NPSR1: variants seen among roughly 807,000 people sequenced by gnomAD.
The protein encoded by NPSR1 is neuropeptide S receptor.
In NPSR1, 48 loss-of-function variants were observed where a neutral mutation model predicts 46.9. The observed-to-expected ratio is 1.02, with a 90% CI of 0.81 to 1.30. The LOEUF (loss-of-function observed/expected upper bound fraction) is 1.30. NPSR1 is among the 50% of genes most tolerant of loss of function. NPSR1 has a pLI of 0.00. For missense variants in NPSR1, 450 were observed against 449.5 expected (o/e 1.00, Z -0.01); for synonymous variants, 176 against 168.1 (o/e 1.05, Z -0.36).
chr7:34,673,768 C>T (rs543597043), intron 1 of NPSR1, among the ~76,000 whole-genome samples: 1 of 152,308 alleles, frequency 6.6e-6, no homozygotes, highest in East Asian at 1.9e-4. Flanking sequence ...CTAACAACCA[C>T]ATTTATATGT....
chr7:34,702,151 G>A (rs1270058287), intron 2 of NPSR1, among the ~76,000 whole-genome samples: 1 of 152,126 alleles, frequency 6.6e-6, no homozygotes, highest in East Asian at 1.9e-4. Context: ...GATGGCGGTT[G>A]GTTCAAGATG....
chr7:34,775,499 A>G (rs1003658275), intron 2 of NPSR1, among the ~76,000 whole-genome samples: 2 of 152,100 alleles, frequency 1.3e-5, no homozygotes, highest in African/African-American at 4.8e-5. Context: ...ACATTTTATT[A>G]TAAGTTCTTG....
At chr7:34,676,155 T>C (rs2609215) in intron 1 of NPSR1, among the ~76,000 whole-genome samples, 17,858 of 152,170 alleles carry the variant, frequency 0.12, 1,212 homozygotes, top group African/African-American at 0.18. Flanking sequence ...CCCTCAAATG[T>C]ACATATGTAG....
At chr7:34,852,302 GGAAAGAGA>G (rs370566581), downstream of NPSR1, among the ~76,000 whole-genome samples, 362 of 151,418 alleles carry the variant, frequency 2.4e-3, 2 homozygotes, top group Middle Eastern at 0.014. Flanking sequence ...TCCGTCTCAA[GGAAAGAGA>G]GAAAGAGAGA....
chr7:34,695,260 C>T (rs1260686149), intron 2 of NPSR1, among the ~76,000 whole-genome samples: 2 of 151,990 alleles, frequency 1.3e-5, no homozygotes, highest in East Asian at 3.9e-4. Flanking sequence ...AATTGGCTAG[C>T]CATATGCAGA....
At chr7:34,660,894 C>T (rs1030440375) in intron 1 of NPSR1, among the ~76,000 whole-genome samples, 2 of 152,122 alleles carry the variant, frequency 1.3e-5, no homozygotes, top group Non-Finnish European at 2.9e-5. Context: ...ATTAGTGTCA[C>T]GGACTGTACC....
intron 4 of NPSR1, among the ~76,000 whole-genome samples, chr7:34,819,941 G>A (rs1789471711): frequency 6.6e-6 from 1 of 152,174 alleles, no homozygotes; most frequent in Admixed American, 6.5e-5. Flanking sequence ...GGCTGGGGGA[G>A]GGATAGCGTT....
intron 2 of NPSR1, among the ~76,000 whole-genome samples, chr7:34,724,414 C>T (rs1374547202): frequency 6.6e-6 from 1 of 152,214 alleles, no homozygotes; most frequent in Non-Finnish European, 1.5e-5. Context: ...TCTCTCCTCC[C>T]AGGATCGGAA....
intron 2 of NPSR1, among the ~76,000 whole-genome samples, chr7:34,694,238 A>T (rs1415498473): frequency 2.0e-5 from 3 of 152,158 alleles, no homozygotes; most frequent in Admixed American, 2.0e-4. Context: ...TAATGACATG[A>T]CTGTATACTT....
At chr7:34,792,571 ATG>A (rs1323576369) in intron 3 of NPSR1, among the ~76,000 whole-genome samples, 5 of 72,648 alleles carry the variant, frequency 6.9e-5, no homozygotes, top group Admixed American at 1.2e-4. Flanking sequence ...ATATATATAT[ATG>A]TGTGTGTGTA....
At chr7:34,798,518 G>C (rs1788301904) in intron 3 of NPSR1, among the ~76,000 whole-genome samples, 1 of 152,170 alleles carries the variant, frequency 6.6e-6, no homozygotes, top group African/African-American at 2.4e-5. Flanking sequence ...CTGGGTGACA[G>C]AGTGAGACTC....
At chr7:34,798,732 C>T (rs1788315185) in intron 3 of NPSR1, among the ~76,000 whole-genome samples, 1 of 152,002 alleles carries the variant, frequency 6.6e-6, no homozygotes, top group African/African-American at 2.4e-5. Context: ...GACCATAAAA[C>T]ACATTTTAAC....
chr7:34,691,603 A>T (rs542845738), intron 2 of NPSR1, among the ~76,000 whole-genome samples: 7 of 152,266 alleles, frequency 4.6e-5, no homozygotes, highest in Admixed American at 1.3e-4. Context: ...CACCAACAAT[A>T]AAAAAACAAG....
At chr7:34,814,440 A>T (rs1789144064) in intron 4 of NPSR1, among the ~76,000 whole-genome samples, 1 of 152,358 alleles carries the variant, frequency 6.6e-6, no homozygotes, top group Admixed American at 6.5e-5. Context: ...TACTGCCTCT[A>T]TAGGCTCCAC....
At chr7:34,717,125 A>T (rs1783613500) in intron 2 of NPSR1, among the ~76,000 whole-genome samples, 1 of 152,184 alleles carries the variant, frequency 6.6e-6, no homozygotes, top group Admixed American at 6.5e-5. Flanking sequence ...ATGTATAATG[A>T]GTCTTTTTTG....
intron 2 of NPSR1, among the ~76,000 whole-genome samples, chr7:34,740,240 C>T (rs1337710511): frequency 2.0e-5 from 3 of 152,038 alleles, no homozygotes; most frequent in Non-Finnish European, 2.9e-5. Flanking sequence ...AAAGGCCGGT[C>T]TCACTCCCAC....
chr7:34,858,897 CA>C (rs1161117641), intron 8 of NPSR1, among the ~76,000 whole-genome samples: 4 of 151,536 alleles, frequency 2.6e-5, no homozygotes, highest in Non-Finnish European at 4.4e-5. Flanking sequence ...ATATCAGTGA[CA>C]AAACTCTAAA....
chr7:34,845,462 A>T, intron 7 of NPSR1: 1 of 387,294 alleles, frequency 2.6e-6, no homozygotes, highest in Non-Finnish European at 5.0e-6. Flanking sequence ...CTTTCTCTCT[A>T]CTCTTAAGAC....
At chr7:34,706,097 G>A (rs10250336) in intron 2 of NPSR1, among the ~76,000 whole-genome samples, 61,873 of 150,698 alleles carry the variant, frequency 0.41, 13,243 homozygotes, top group African/African-American at 0.53. Flanking sequence ...CTGGTATTTT[G>A]TGTTACCAAA....
Sources: gnomAD v4.1 joint callset for allele counts (sites outside exome capture counted in the v4.1 genomes callset) on GRCh38, gnomAD v4.1.1 for gene constraint, MANE v1.5 for transcripts, NCBI Gene and HGNC (gene_info 2026-07-23, HGNC 2026-07-21) for gene names.